Variants in MYO16 observed in about 807,000 individuals in gnomAD.
MYO16 encodes the protein unconventional myosin-XVI.
In MYO16, 94 loss-of-function variants were observed where a neutral mutation model predicts 205.3. That is an observed-to-expected ratio of 0.46 (90% confidence interval 0.39 to 0.54). The LOEUF (loss-of-function observed/expected upper bound fraction) is 0.54, where lower values mean the gene tolerates loss of function less well. MYO16 is among the 20% of genes least tolerant of loss of function. The pLI, the probability that MYO16 is intolerant of heterozygous loss-of-function variation, is 0.00. For missense variants in MYO16, 2,315 were observed against 2,387.5 expected, an observed-to-expected ratio of 0.97 and a Z score of 0.63; for synonymous variants, 988 against 954.0, an observed-to-expected ratio of 1.04 and a Z score of -0.66.
intron 16 of MYO16, among the ~76,000 whole-genome samples, chr13:108,953,034 G>A (rs1883215738): frequency 6.6e-6 from 1 of 151,978 alleles, no homozygotes; most frequent in Non-Finnish European, 1.5e-5. Context: ...CGAGTCCACT[G>A]GCCACTGGGA....
intron 16 of MYO16, among the ~76,000 whole-genome samples, chr13:108,948,195 G>A (rs11840822): frequency 0.013 from 1,998 of 152,332 alleles, 32 homozygotes; most frequent in African/African-American, 0.045. Context: ...CATTAGCAAA[G>A]TGTGCTGTCT....
At chr13:108,551,928 G>A in the MYO16 span, among the ~76,000 whole-genome samples, 14 of 152,270 alleles carry the variant, frequency 9.2e-5, no homozygotes, top group East Asian at 2.7e-3. Flanking sequence ...AAATTAAAAC[G>A]AATGAGTCAC....
chr13:108,941,923 C>T (rs1357390829), intron 16 of MYO16, among the ~76,000 whole-genome samples: 2 of 152,164 alleles, frequency 1.3e-5, no homozygotes, highest in Non-Finnish European at 2.9e-5. Context: ...ACATTATACT[C>T]CTTGACTCAA....
chr13:108,649,132 A>C (rs2139396844), intron 1 of MYO16, among the ~76,000 whole-genome samples: 1 of 152,048 alleles, frequency 6.6e-6, no homozygotes, highest in African/African-American at 2.4e-5. Flanking sequence ...TTAAATGATG[A>C]GTTAATGGGT....
chr13:109,159,596 G>A (rs911003619), intron 32 of MYO16, among the ~76,000 whole-genome samples: 10 of 152,190 alleles, frequency 6.6e-5, no homozygotes, highest in African/African-American at 1.7e-4. Context: ...CATTCCAGAG[G>A]AAGGAGACAC....
intron 22 of MYO16, among the ~76,000 whole-genome samples, chr13:109,015,152 T>C (rs976853776): frequency 3.9e-5 from 6 of 152,208 alleles, no homozygotes; most frequent in Admixed American, 3.9e-4. Context: ...ACCTAGTTTA[T>C]TGAGAGTTTT....
At position 109,141,348 on chromosome 13, in the gene MYO16, G is replaced by A. The variant is rs754641400; in HGVS notation, c.5136G>A (p.Ala1712=). ...GGAGGAGTGTGCTTCGGAAATCCGCGGCGGGAAGAAAAATCAGGGAAGCAG... is the reference window on the plus strand; with the variant it reads ...GGAGGAGTGTGCTTCGGAAATCCGCAGCGGGAAGAAAAATCAGGGAAGCAG... ...NSGRSVLRKS[A]AGRKIREAEG... The change falls in exon 32 of 35, where the codon GCG becomes GCA. Residue 1712 remains alanine (A), a synonymous_variant. Transcript: ENST00000457511. The surrounding 1 kb of genome is among the most constrained non-coding windows in gnomAD (Gnocchi z 4.1). The A allele has an allele frequency of 6.5e-7, 1 of 1,547,812 alleles. No homozygotes were observed. The highest frequency in any genetic ancestry group is 8.7e-7 in the Non-Finnish European group (1 of 1,151,108).
At position 108,636,345 on chromosome 13, in the gene MYO16, CCTTTTTTTTTTTTTTTTTT is replaced by C. The variant is rs1880225478; in HGVS notation, c.28+6474_28+6492del. ...CTAGTCTTAAATGAAAAAATATTTC[CCTTTTTTTTTTTTTTTTTT>C]TTTTTTGTGTGTGTGTGTGTGTGTG... On this transcript the variant is annotated intron_variant, in intron 1 of 34. Coordinates refer to ENST00000457511, the MANE Select transcript of MYO16 (RefSeq NM_001198950.3). Among the ~76,000 whole-genome samples, 12 of 79,922 alleles carry C rather than the reference CCTTTTTTTTTTTTTTTTTT, an allele frequency of 1.5e-4. No individual in the cohort carries two copies. The South Asian group carries it at 5.6e-3, about 37-fold the overall frequency. 52.4% of individuals were successfully genotyped at this position (79,922 alleles called of 152,430 possible). A position where few individuals can be genotyped will look rare whatever the true frequency, so the allele number is the denominator to read the frequency against.
chr13:108,584,544 T>G, the MYO16 span, among the ~76,000 whole-genome samples: 60 of 152,306 alleles, frequency 3.9e-4, no homozygotes, highest in Non-Finnish European at 6.5e-4. Flanking sequence ...GTTACCCTAC[T>G]GTGCTATAGA....
chr13:108,947,736 C>T (rs544098740), intron 16 of MYO16, among the ~76,000 whole-genome samples: 10 of 152,278 alleles, frequency 6.6e-5, no homozygotes, highest in African/African-American at 1.7e-4. Flanking sequence ...ATTGGCCATA[C>T]GATCATTCAC....
At chr13:108,632,140 G>A (rs74652540) in intron 1 of MYO16, among the ~76,000 whole-genome samples, 1 of 150,408 alleles carries the variant, frequency 6.6e-6, no homozygotes, top group African/African-American at 2.4e-5. Context: ...TTATTGATAA[G>A]GATCATAATT....
intron 10 of MYO16, among the ~76,000 whole-genome samples, chr13:108,849,960 CCT>C (rs1877759512): frequency 7.4e-6 from 1 of 134,852 alleles, no homozygotes; most frequent in African/African-American, 2.8e-5. Flanking sequence ...TGTTGAATTT[CCT>C]CTTTTTTTGT....
intron 20 of MYO16, among the ~76,000 whole-genome samples, chr13:108,971,964 G>A (rs1033047740): frequency 6.6e-6 from 1 of 151,552 alleles, no homozygotes; most frequent in African/African-American, 2.4e-5. Context: ...ATTTTGGAAG[G>A]CTGAGGTGGG....
In MYO16 at chr13:109,176,577, T is replaced by TAA. The variant is rs36054088; in HGVS notation, c.5324-2942_5324-2941dup. Among the ~76,000 whole-genome samples, 207 of 44,938 alleles carry TAA rather than the reference T, an allele frequency of 4.6e-3. 23 individuals carry two copies. The highest frequency in any genetic ancestry group is 0.017 in the Middle Eastern group (1 of 60). 29.5% of individuals were successfully genotyped at this position (44,938 alleles called of 152,430 possible). ...GCAGCTAAATAAAATATTGTGCTGG[T>TAA]AAAAAAAAAAAAAAAAAAAAAAAAG... On this transcript the variant is annotated intron_variant, in intron 33 of 34. Coordinates refer to ENST00000457511, the MANE Select transcript of MYO16 (RefSeq NM_001198950.3).
chr13:108,796,132 G>A (rs2138953494), intron 6 of MYO16, among the ~76,000 whole-genome samples: 1 of 152,270 alleles, frequency 6.6e-6, no homozygotes, highest in East Asian at 1.9e-4. Flanking sequence ...GCCTATATGA[G>A]GACCACGGCT....
intron 23 of MYO16, among the ~76,000 whole-genome samples, chr13:109,040,798 C>T (rs1329191603): frequency 6.6e-6 from 1 of 152,084 alleles, no homozygotes; most frequent in Non-Finnish European, 1.5e-5. Context: ...CTTCTGTGAT[C>T]AGAAACAAGA....
intron 29 of MYO16, among the ~76,000 whole-genome samples, chr13:109,121,502 T>G (rs1198119050): frequency 1.3e-5 from 2 of 152,204 alleles, no homozygotes; most frequent in Non-Finnish European, 2.9e-5. Flanking sequence ...GCCGGTCATT[T>G]GTAACTCACC....
intron 23 of MYO16, among the ~76,000 whole-genome samples, chr13:109,038,673 GTATTCATT>G (rs1022834312): frequency 1.1e-4 from 17 of 151,716 alleles, no homozygotes; most frequent in African/African-American, 3.6e-4. Flanking sequence ...CAAAGCTTTT[GTATTCATT>G]TAAGACAAAA....
chr13:109,155,856 T>G (rs1042773065), intron 32 of MYO16, among the ~76,000 whole-genome samples: 5 of 152,226 alleles, frequency 3.3e-5, no homozygotes, highest in Non-Finnish European at 5.9e-5. Flanking sequence ...CTTCTTGAGT[T>G]TCAGATTAGC....
Sources: allele counts gnomAD v4.1 joint callset (sites outside exome capture counted in the v4.1 genomes callset), GRCh38; gene constraint gnomAD v4.1.1; non-coding constraint Gnocchi (gnomAD v3.1); transcripts MANE v1.5; gene names NCBI Gene and HGNC (gene_info 2026-07-23, HGNC 2026-07-21).